The following PTN variants were observed in gnomAD, a reference collection of about 807,000 sequenced individuals.
PTN encodes the protein heparin affin regulatory protein.
PTN carries 18 observed loss-of-function variants against 24.1 expected under a neutral mutation model. That is an observed-to-expected ratio of 0.75 (90% CI 0.52 to 1.11). PTN has a LOEUF of 1.11. Ranked by LOEUF, PTN falls within the 50% of genes least tolerant of loss-of-function variation. The pLI, the probability that PTN is intolerant of heterozygous loss-of-function variation, is 0.00. For missense variants in PTN, 163 were observed against 198.8 expected, an observed-to-expected ratio of 0.82 and a Z score of 1.08; for synonymous variants, 78 against 68.6, an observed-to-expected ratio of 1.14 and a Z score of -0.67.
chr7:137,276,038 T>C (rs968120606), intron 1 of PTN, among the ~76,000 whole-genome samples: 1 of 152,230 alleles, frequency 6.6e-6, no homozygotes, highest in African/African-American at 2.4e-5. Flanking sequence ...CACATTATTA[T>C]GTATTTGGGA....
intron 1 of PTN, among the ~76,000 whole-genome samples, chr7:137,298,351 A>G (rs977338900): frequency 1.3e-5 from 2 of 152,028 alleles, no homozygotes; most frequent in African/African-American, 4.8e-5. Flanking sequence ...TTCTGATTAA[A>G]TATTAAACAG....
chr7:137,254,368 T>C (rs1025493550), intron 2 of PTN, among the ~76,000 whole-genome samples: 1 of 152,086 alleles, frequency 6.6e-6, no homozygotes, highest in Non-Finnish European at 1.5e-5. Flanking sequence ...TTTCTCTGCC[T>C]TGTAGAAGGA....
intron 4 of PTN, among the ~76,000 whole-genome samples, chr7:137,231,988 G>C (rs1449889472): frequency 6.6e-6 from 1 of 151,928 alleles, no homozygotes; most frequent in Non-Finnish European, 1.5e-5. Flanking sequence ...TTAAAGCCAA[G>C]TGCTTTTTTA....
At chr7:137,262,333 C>CA (rs1809054969) in intron 1 of PTN, among the ~76,000 whole-genome samples, 1 of 151,858 alleles carries the variant, frequency 6.6e-6, no homozygotes, top group African/African-American at 2.4e-5. Flanking sequence ...TGTGTTTATT[C>CA]AATCTTGTGT....
chr7:137,235,941 C>A (rs549877866), intron 4 of PTN, among the ~76,000 whole-genome samples: 2 of 152,066 alleles, frequency 1.3e-5, no homozygotes, highest in Non-Finnish European at 2.9e-5. Context: ...TTTCAGGAAC[C>A]TGTTTTGTCC....
At chr7:137,321,254 G>A (rs148596887) in intron 1 of PTN, among the ~76,000 whole-genome samples, 255 of 152,240 alleles carry the variant, frequency 1.7e-3, no homozygotes, top group Middle Eastern at 6.8e-3. Flanking sequence ...CTGGCTTACG[G>A]GAAGGCACTA....
At chr7:137,316,917 G>C (rs191472472) in intron 1 of PTN, among the ~76,000 whole-genome samples, 1 of 152,172 alleles carries the variant, frequency 6.6e-6, no homozygotes, top group Non-Finnish European at 1.5e-5. Context: ...CCACCCCTCG[G>C]TGCTGGAGTT....
At chr7:137,319,419 A>AC (rs1810126947) in intron 1 of PTN, among the ~76,000 whole-genome samples, 1 of 152,130 alleles carries the variant, frequency 6.6e-6, no homozygotes, top group Non-Finnish European at 1.5e-5. Flanking sequence ...AATACCCACA[A>AC]CCCGAGAGTT....
chr7:137,232,139 A>G (rs1374237156), intron 4 of PTN, among the ~76,000 whole-genome samples: 2 of 151,930 alleles, frequency 1.3e-5, no homozygotes, highest in Admixed American at 6.6e-5. Context: ...CACATCAAAT[A>G]ACACCCCGGG....
chr7:137,260,931 G>T lies in PTN; in HGVS notation c.-1-5957C>A, dbSNP rs142075765. On this transcript the variant is annotated intron_variant, in intron 1 of 4. Coordinates refer to ENST00000348225, the MANE Select transcript of PTN (RefSeq NM_002825.7). The stretch of plus-strand genomic sequence containing the variant: ...ACAATACTTAACATAATTCCATAAA[G>T]AAATGTTTTCCTTCATCTAATATTT... Among the ~76,000 whole-genome samples the T allele has an allele frequency of 1.0e-3, 154 of 152,178 alleles. 1 individual carries two copies. Among genetic ancestry groups the T allele is most frequent in the African/African-American group, 3.6e-3 (151 of 41,540 alleles).
At chr7:137,297,431 T>TA (rs1809736107) in intron 1 of PTN, among the ~76,000 whole-genome samples, 1 of 152,084 alleles carries the variant, frequency 6.6e-6, no homozygotes, top group African/African-American at 2.4e-5. Flanking sequence ...GCATTGAGGA[T>TA]AATTTCATGA....
intron 4 of PTN, among the ~76,000 whole-genome samples, chr7:137,245,442 C>T (rs1357625200): frequency 2.0e-5 from 3 of 152,032 alleles, no homozygotes; most frequent in African/African-American, 4.8e-5. Context: ...TGTGGTGATG[C>T]GGATGTAAAT....
chr7:137,251,530 G>A lies in PTN; in HGVS notation c.290-139C>T, dbSNP rs932303267. On this transcript the variant is annotated intron_variant, in intron 3 of 4. Coordinates refer to ENST00000348225, the MANE Select transcript of PTN (RefSeq NM_002825.7). The stretch of plus-strand genomic sequence containing the variant: ...ATGCAGCTATAAGAAATAATACAGA[G>A]TGTATGCGTGTGTATTGATTTCTGT... 3.4e-6 allele frequency: 3 copies of A among 887,164 alleles called. No homozygotes were observed. The African/African-American group carries it at 5.1e-5, about 15-fold the overall frequency. 55.0% of individuals were successfully genotyped at this position (887,164 alleles called of 1,614,324 possible).
intron 4 of PTN, among the ~76,000 whole-genome samples, chr7:137,246,558 C>G (rs755905110): frequency 3.9e-5 from 6 of 152,112 alleles, no homozygotes; most frequent in Non-Finnish European, 5.9e-5. Flanking sequence ...CTATAATTCT[C>G]ATGTTTGAAA....
At chr7:137,281,538 T>C (rs1809474946) in intron 1 of PTN, among the ~76,000 whole-genome samples, 1 of 152,194 alleles carries the variant, frequency 6.6e-6, no homozygotes, top group Non-Finnish European at 1.5e-5. Flanking sequence ...CTCTCAAGCC[T>C]TACTCCAGCA....
At chr7:137,230,756 ATAG>A (rs1423193547) in intron 4 of PTN, among the ~76,000 whole-genome samples, 2 of 151,956 alleles carry the variant, frequency 1.3e-5, no homozygotes, top group East Asian at 3.9e-4. Context: ...TGGGTTTAAA[ATAG>A]TATCACAAAA....
At chr7:137,284,371 T>C (rs1809522074) in intron 1 of PTN, among the ~76,000 whole-genome samples, 1 of 152,090 alleles carries the variant, frequency 6.6e-6, no homozygotes, top group Non-Finnish European at 1.5e-5. Context: ...GAAGAGGTCT[T>C]TTATTTTTCT....
intron 1 of PTN, among the ~76,000 whole-genome samples, chr7:137,289,380 C>A (rs1295266016): frequency 3.3e-5 from 5 of 152,092 alleles, no homozygotes; most frequent in Non-Finnish European, 7.4e-5. Flanking sequence ...GTGTGTTAGG[C>A]AGAATTAAAA....
At chr7:137,265,676 G>A (rs981096207) in intron 1 of PTN, among the ~76,000 whole-genome samples, 2 of 152,276 alleles carry the variant, frequency 1.3e-5, no homozygotes, top group Admixed American at 6.5e-5. Context: ...TGCAGCCCAC[G>A]CCTGGCCGAC....
Sources: gnomAD v4.1 joint callset for allele counts (sites outside exome capture counted in the v4.1 genomes callset) on GRCh38, gnomAD v4.1.1 for gene constraint, MANE v1.5 for transcripts, NCBI Gene and HGNC (gene_info 2026-07-23, HGNC 2026-07-21) for gene names.